Variants in ZNF730 observed in about 807,000 individuals in gnomAD.
ZNF730 encodes the protein putative zinc finger protein 730.
ZNF730 carries 12 observed loss-of-function variants against 12.6 expected under a neutral mutation model. That is an observed-to-expected ratio of 0.95 (90% CI 0.61 to 1.54). The LOEUF (loss-of-function observed/expected upper bound fraction) is 1.54, where lower values mean the gene tolerates loss of function less well. Among genes scored for constraint, ZNF730 ranks in the 40% most tolerant of loss-of-function variants. The pLI, the probability that ZNF730 is intolerant of heterozygous loss-of-function variation, is 0.00. For synonymous variants in ZNF730, 194 were observed against 195.8 expected (o/e 0.99, Z 0.08); for missense variants, 643 against 583.5 (o/e 1.10, Z -1.05).
chr19:23,141,173 T>A (rs1363512311), intron 3 of ZNF730, among the ~76,000 whole-genome samples: 1 of 151,924 alleles, frequency 6.6e-6, no homozygotes. Flanking sequence ...GGTGGGTGGA[T>A]CATGAGGTTA....
At chr19:23,080,952 T>C (rs1969955480) in intron 1 of ZNF730, among the ~76,000 whole-genome samples, 1 of 151,050 alleles carries the variant, frequency 6.6e-6, no homozygotes, top group Non-Finnish European at 1.5e-5. Context: ...TTCTAGCGAT[T>C]CTCCTGCCTC....
upstream of ZNF730, among the ~76,000 whole-genome samples, chr19:23,113,381 G>T (rs767659575): frequency 6.6e-6 from 1 of 152,136 alleles, no homozygotes; most frequent in African/African-American, 2.4e-5. Flanking sequence ...ATCACCTGTA[G>T]AATATAAAAT....
At chr19:23,115,269 G>T (rs1043589713), upstream of ZNF730, among the ~76,000 whole-genome samples, 1 of 152,152 alleles carries the variant, frequency 6.6e-6, no homozygotes, top group African/African-American at 2.4e-5. Context: ...TTATCCTGAG[G>T]TTCAGCCCAG....
In ZNF730 at chr19:23,141,179, G is replaced by A. The variant is rs775916023; in HGVS notation, c.227-4092G>A. Among the ~76,000 whole-genome samples, 113 of 152,172 alleles carry A rather than the reference G, an allele frequency of 7.4e-4. 1 individual carries two copies. The highest frequency in any genetic ancestry group is 2.6e-3 in the African/African-American group (106 of 41,518). ...GGACGCCGAGGTGGGTGGATCATGA[G>A]GTTAGGAAATCGAGACCATCCTGGC... On this transcript the variant is annotated intron_variant, in intron 3 of 3. Transcript: ENST00000597761.
At chr19:23,109,535 AG>A (rs1156285649) in intron 1 of ZNF730, among the ~76,000 whole-genome samples, 2 of 151,540 alleles carry the variant, frequency 1.3e-5, no homozygotes, top group Non-Finnish European at 2.9e-5. Context: ...CAGCCTCCCG[AG>A]TAGCTGGGAT....
chr19:23,117,061 C>A lies in ZNF730; in HGVS notation c.-113C>A, dbSNP rs537130677. 2.5e-4 allele frequency: 390 copies of A among 1,530,282 alleles called. No individual in the cohort carries two copies. Among genetic ancestry groups the A allele is most frequent in the Non-Finnish European group, 3.3e-4 (375 of 1,126,828 alleles). The allele number at this position is 1,530,282 out of a possible 1,614,324, so 94.8% of individuals were successfully genotyped here. On this transcript the variant is annotated 5_prime_UTR_variant, in exon 1 of 4. Coordinates refer to ENST00000597761, the MANE Select transcript of ZNF730 (RefSeq NM_001277403.2). ...TCGCTGCCGCCGAAGCTCCAATTTT[C>A]GTCTGTCTGCTTTGTGTCCTCTGCA...
At chr19:23,134,682 T>G (rs1970801258) in intron 2 of ZNF730, among the ~76,000 whole-genome samples, 1 of 134,750 alleles carries the variant, frequency 7.4e-6, no homozygotes. Context: ...TACTGGGAAG[T>G]GAGGAGCCCC....
At chr19:23,105,528 A>G (rs930977127) in intron 1 of ZNF730, among the ~76,000 whole-genome samples, 1 of 152,212 alleles carries the variant, frequency 6.6e-6, no homozygotes, top group Non-Finnish European at 1.5e-5. Context: ...AGAGCACACA[A>G]TTATGAGAAT....
chr19:23,116,354 TTTTC>T (rs985322767), upstream of ZNF730, among the ~76,000 whole-genome samples: 9 of 149,478 alleles, frequency 6.0e-5, no homozygotes, highest in Non-Finnish European at 8.9e-5. Context: ...TCCTTATTTC[TTTTC>T]TTTCTCTCTT....
chr19:23,117,318 C>A, intron 1 of ZNF730, 142 bp downstream of exon 1: 1 of 1,497,592 alleles, frequency 6.7e-7, no homozygotes, highest in Non-Finnish European at 9.2e-7. Flanking sequence ...GGCCTCAGTC[C>A]CCTTCAGCCA....
intron 1 of ZNF730, among the ~76,000 whole-genome samples, chr19:23,080,983 TTACA>T (rs1390597531): frequency 6.6e-6 from 1 of 151,662 alleles, no homozygotes; most frequent in Admixed American, 6.6e-5. Context: ...GTAGCTGGGA[TTACA>T]GGTGCACGCC....
rs781774314 is a variant in ZNF730, at chr19:23,145,258, T to C, written c.227-13T>C. ...TAGTACATGCAGTAATTTGTTATTT[T>C]TATTTCTTTCAGTTATATGTTCTCA... On this transcript the variant is annotated splice_polypyrimidine_tract_variant and intron_variant, in intron 3 of 3. Coordinates refer to ENST00000597761, the MANE Select transcript of ZNF730 (RefSeq NM_001277403.2). 2.7e-6 allele frequency: 4 copies of C among 1,472,520 alleles called. No homozygotes were observed. Among genetic ancestry groups the C allele is most frequent in the Non-Finnish European group, 3.6e-6 (4 of 1,113,530 alleles). The allele number at this position is 1,472,520 out of a possible 1,614,324, so 91.2% of individuals were successfully genotyped here.
chr19:23,088,212 G>A (rs1459965208), intron 1 of ZNF730, among the ~76,000 whole-genome samples: 1 of 151,258 alleles, frequency 6.6e-6, no homozygotes, highest in African/African-American at 2.4e-5. Context: ...TAGAGATGTG[G>A]TTTCACCATG....
At chr19:23,084,394 T>G (rs78774988) in intron 1 of ZNF730, among the ~76,000 whole-genome samples, 3,338 of 152,282 alleles carry the variant, frequency 0.022, 62 homozygotes, top group Middle Eastern at 0.044. Flanking sequence ...AAAAAGTATT[T>G]CCTAGACAAG....
intron 1 of ZNF730, among the ~76,000 whole-genome samples, chr19:23,120,718 C>G (rs890041747): frequency 6.6e-6 from 1 of 151,856 alleles, no homozygotes; most frequent in Non-Finnish European, 1.5e-5. Context: ...CAGTTCAGAT[C>G]TTCTTGTCTT....
At chr19:23,097,515 G>A (rs1406057718) in intron 1 of ZNF730, among the ~76,000 whole-genome samples, 3 of 152,132 alleles carry the variant, frequency 2.0e-5, no homozygotes, top group Non-Finnish European at 4.4e-5. Flanking sequence ...GCCTTCAAAA[G>A]GCATTGTGAC....
intron 1 of ZNF730, chr19:23,127,824 A>T (rs898120925): frequency 4.4e-6 from 3 of 681,800 alleles, no homozygotes; most frequent in Non-Finnish European, 8.0e-6. Context: ...TAGTTTGTGT[A>T]ACAAACAAAT....
At chr19:23,144,007 C>G (rs374002996) in intron 3 of ZNF730, 1 of 150,672 alleles carries the variant, frequency 6.6e-6, no homozygotes, top group East Asian at 1.9e-4. Flanking sequence ...TATTTTTTAC[C>G]CCCATAATTT....
chr19:23,081,518 C>T (rs1175240882), intron 1 of ZNF730, among the ~76,000 whole-genome samples: 1 of 152,058 alleles, frequency 6.6e-6, no homozygotes, highest in African/African-American at 2.4e-5. Flanking sequence ...TGGGGTTTCA[C>T]CATGTTGGCC....
Sources: gnomAD v4.1 joint callset for allele counts (sites outside exome capture counted in the v4.1 genomes callset) on GRCh38, gnomAD v4.1.1 for gene constraint, MANE v1.5 for transcripts, NCBI Gene and HGNC (gene_info 2026-07-23, HGNC 2026-07-21) for gene names.